RBPMS2: variants seen among roughly 807,000 people sequenced by gnomAD.
RBPMS2 encodes RNA-binding protein with multiple splicing 2.
RBPMS2 carries 14 observed loss-of-function variants against 25.7 expected under a neutral mutation model. That is an observed-to-expected ratio of 0.55 (90% CI 0.36 to 0.85). The LOEUF (loss-of-function observed/expected upper bound fraction) is 0.85. Among genes scored for constraint, RBPMS2 ranks in the 40% least tolerant of loss-of-function variants. The pLI, the probability that RBPMS2 is intolerant of heterozygous loss-of-function variation, is 0.01. For missense variants in RBPMS2, 252 were observed against 283.4 expected (o/e 0.89, Z 0.80); for synonymous variants, 127 against 115.6 (o/e 1.10, Z -0.63).
At chr15:64,774,782 A>G in intron 1 of RBPMS2, among the ~76,000 whole-genome samples, 1 of 149,400 alleles carries the variant, frequency 6.7e-6, no homozygotes, top group Admixed American at 6.6e-5. Flanking sequence ...CAGGGCGGAA[A>G]AGGCAGTGGA....
intron 1 of RBPMS2, among the ~76,000 whole-genome samples, chr15:64,765,647 A>G (rs2083839552): frequency 6.6e-6 from 1 of 151,912 alleles, no homozygotes; most frequent in South Asian, 2.1e-4. Context: ...CTTTTCATCA[A>G]TAGTTCTTCA....
intron 1 of RBPMS2, among the ~76,000 whole-genome samples, chr15:64,770,846 C>CT (rs999106644): frequency 2.6e-5 from 4 of 152,028 alleles, no homozygotes; most frequent in African/African-American, 9.7e-5. Flanking sequence ...TCAGGGAGGG[C>CT]TGACCTCAAG....
chr15:64,752,808 C>T lies in RBPMS2; in HGVS notation c.88-1170G>A, dbSNP rs7177978. On this transcript the variant is annotated intron_variant, in intron 1 of 7. Coordinates refer to ENST00000300069, the MANE Select transcript of RBPMS2 (RefSeq NM_194272.3). Reference sequence around the variant, plus strand: ...TGCATTTTTAGTAGAGATGGGGTTTCACCACATTGGTCACGCTGGTCTCGA... The same window carrying T: ...TGCATTTTTAGTAGAGATGGGGTTTTACCACATTGGTCACGCTGGTCTCGA... 9.3e-3 allele frequency among the ~76,000 whole-genome samples: 1,408 copies of T among 152,200 alleles called. 21 individuals are homozygous for T. Among genetic ancestry groups the T allele is most frequent in the African/African-American group, 0.032 (1,323 of 41,520 alleles).
At chr15:64,767,165 T>C (rs2083854590) in intron 1 of RBPMS2, among the ~76,000 whole-genome samples, 1 of 151,902 alleles carries the variant, frequency 6.6e-6, no homozygotes, top group East Asian at 1.9e-4. Flanking sequence ...AGTGGTGGGA[T>C]ACTGGCTCAC....
At chr15:64,744,280 T>G (rs1013232364) in intron 6 of RBPMS2, among the ~76,000 whole-genome samples, 13 of 151,872 alleles carry the variant, frequency 8.6e-5, no homozygotes, top group Non-Finnish European at 2.9e-5. Context: ...AAACAATGGC[T>G]GGGCGCGGTG....
chr15:64,775,375 C>T lies in RBPMS2; in HGVS notation c.-56G>A. 1.8e-6 allele frequency: 2 copies of T among 1,090,644 alleles called. No homozygotes were observed. The highest frequency in any genetic ancestry group is 2.3e-6 in the Non-Finnish European group (2 of 861,998). The allele number at this position is 1,090,644 out of a possible 1,614,324, so 67.6% of individuals were successfully genotyped here. On this transcript the variant is annotated 5_prime_UTR_variant, in exon 1 of 8. Transcript: ENST00000300069. ...GCGAGGGCGAGCGCGGCGCCGGCCC[C>T]GCGGGAAGTGGGAAGGGGCGCGGGG...
chr15:64,746,120 G>A (rs777746283), intron 6 of RBPMS2, among the ~76,000 whole-genome samples: 3 of 152,098 alleles, frequency 2.0e-5, no homozygotes, highest in Non-Finnish European at 2.9e-5. Flanking sequence ...GTTCTTAGTC[G>A]GGAAACAGTA....
At chr15:64,767,578 C>T (rs1333606883) in intron 1 of RBPMS2, among the ~76,000 whole-genome samples, 1 of 152,240 alleles carries the variant, frequency 6.6e-6, no homozygotes, top group Non-Finnish European at 1.5e-5. Flanking sequence ...AGCAAAGGCT[C>T]AGCACCCACC....
chr15:64,757,060 A>C (rs1216216292), intron 1 of RBPMS2, among the ~76,000 whole-genome samples: 2 of 146,776 alleles, frequency 1.4e-5, no homozygotes, highest in Non-Finnish European at 3.0e-5. Context: ...GCAGCATCAA[A>C]CTCTTAGGCT....
chr15:64,772,642 G>A (rs77463022), intron 1 of RBPMS2, among the ~76,000 whole-genome samples: 9,800 of 151,946 alleles, frequency 0.064, 335 homozygotes, highest in South Asian at 0.088. Flanking sequence ...TTATACATGC[G>A]ACTCCCTCCT....
chr15:64,742,094 G>A (rs935161885), intron 6 of RBPMS2, among the ~76,000 whole-genome samples: 4 of 152,322 alleles, frequency 2.6e-5, no homozygotes, highest in Admixed American at 6.5e-5. Flanking sequence ...GAACCCGGGA[G>A]GCGGAGGTTG....
rs975678991 is a variant in RBPMS2 at position 64,740,948 on chromosome 15, G to A, written c.*60C>T. The A allele has an allele frequency of 1.9e-5, 9 of 473,542 alleles. No individual in the cohort carries two copies. Among genetic ancestry groups the A allele is most frequent in the East Asian group, 3.8e-5 (1 of 26,520 alleles). The allele number at this position is 473,542 out of a possible 1,614,324, so 29.3% of individuals were successfully genotyped here. A position where few individuals can be genotyped will look rare whatever the true frequency, so the allele number is the denominator to read the frequency against. ...CCCGGGGGCAGTGGGAACTCGGGGCGCCTGTCCCGGCACCACCACAGATTA... is the reference window on the plus strand; with the variant it reads ...CCCGGGGGCAGTGGGAACTCGGGGCACCTGTCCCGGCACCACCACAGATTA... On this transcript the variant is annotated 3_prime_UTR_variant, in exon 8 of 8. Coordinates refer to ENST00000300069, the MANE Select transcript of RBPMS2 (RefSeq NM_194272.3).
chr15:64,740,213 T>C lies in RBPMS2; in HGVS notation c.*795A>G, dbSNP rs895563420. 51 of 152,348 alleles carry C rather than the reference T, an allele frequency of 3.3e-4. No homozygotes were observed. The highest frequency in any genetic ancestry group is 1.2e-3 in the African/African-American group (51 of 41,454). 9.4% of individuals were successfully genotyped at this position (152,348 alleles called of 1,614,324 possible). A position where few individuals can be genotyped will look rare whatever the true frequency, so the allele number is the denominator to read the frequency against. ...GCTTTAATAATTAATGGTACGCACA[T>C]GAAAAATCCTTTATGATGCATAAAT... On this transcript the variant is annotated 3_prime_UTR_variant, in exon 8 of 8. Coordinates refer to ENST00000300069, the MANE Select transcript of RBPMS2 (RefSeq NM_194272.3).
intron 4 of RBPMS2, 118 bp from the exon 5 acceptor site, chr15:64,749,268 G>A (rs1028334200): frequency 2.7e-5 from 38 of 1,385,982 alleles, no homozygotes; most frequent in South Asian, 2.2e-4. Context: ...CCACACGGTG[G>A]CTGAGGCAGA....
chr15:64,756,912 C>T (rs1219643255), intron 1 of RBPMS2, among the ~76,000 whole-genome samples: 1 of 151,066 alleles, frequency 6.6e-6, no homozygotes, highest in Admixed American at 6.6e-5. Flanking sequence ...AAGTGATCCG[C>T]CCGCCTTGGC....
chr15:64,744,798 G>GTTTTTTTTTTT lies in RBPMS2; in HGVS notation c.568-3567_568-3557dup, dbSNP rs748967917. Among the ~76,000 whole-genome samples, 39 of 46,296 alleles carry GTTTTTTTTTTT rather than the reference G, an allele frequency of 8.4e-4. 2 individuals carry two copies. Among genetic ancestry groups the GTTTTTTTTTTT allele is most frequent in the South Asian group, 2.6e-3 (2 of 764 alleles). The allele number at this position is 46,296 out of a possible 152,430, so 30.4% of individuals were successfully genotyped here. ...TATTTAAGTTTTTTTGGTTTGTTTT[G>GTTTTTTTTTTT]TTTTTTTTTTTTTTTTTTTTTTTTT... On this transcript the variant is annotated intron_variant, in intron 6 of 7. Transcript: ENST00000300069.
chr15:64,740,853 A>C lies in RBPMS2; in HGVS notation c.*155T>G. ...AAGGTGAGGAAGAGGAGGGAGGGGA[A>C]CAGGAAGCAGTCCACTGAGTCAGGC... On this transcript the variant is annotated 3_prime_UTR_variant, in exon 8 of 8. Transcript: ENST00000300069. 4.1e-6 allele frequency: 1 copy of C among 243,060 alleles called. No homozygotes were observed. The allele number at this position is 243,060 out of a possible 1,614,324, so 15.1% of individuals were successfully genotyped here. A position where few individuals can be genotyped will look rare whatever the true frequency, so the allele number is the denominator to read the frequency against.
At chr15:64,743,888 T>C (rs567298167) in intron 6 of RBPMS2, among the ~76,000 whole-genome samples, 2 of 152,180 alleles carry the variant, frequency 1.3e-5, no homozygotes, top group Non-Finnish European at 2.9e-5. Flanking sequence ...GCGGATCTCT[T>C]GAGCCCAGAA....
In RBPMS2 at chr15:64,749,423, C is replaced by G. The variant is rs6494493; in HGVS notation, c.267+8G>C. ...GAGTCAGAGAAGACCTGTTCTCCAC[C>G]TACTCACGTTCAGCGCATTCTTGGC... On this transcript the variant is annotated splice_region_variant and intron_variant, in intron 4 of 7. Coordinates refer to ENST00000300069, the MANE Select transcript of RBPMS2 (RefSeq NM_194272.3). 6.2e-7 allele frequency: 1 copy of G among 1,611,480 alleles called. No individual in the cohort carries two copies. Among genetic ancestry groups the G allele is most frequent in the East Asian group, 2.2e-5 (1 of 44,862 alleles).
Sources: gnomAD v4.1 joint callset for allele counts (sites outside exome capture counted in the v4.1 genomes callset) on GRCh38, gnomAD v4.1.1 for gene constraint, MANE v1.5 for transcripts, NCBI Gene and HGNC (gene_info 2026-07-23, HGNC 2026-07-21) for gene names.